The following CDH13 variants were observed in gnomAD, a reference collection of about 807,000 sequenced individuals.
The protein encoded by CDH13 is cadherin-13.
Under a neutral mutation model 63.8 loss-of-function variants are expected in CDH13, and 24 were observed. The ratio of observed to expected loss-of-function variants is 0.38; its 90% CI spans 0.27 to 0.53. The LOEUF (loss-of-function observed/expected upper bound fraction) is 0.53, where lower values mean the gene tolerates loss of function less well. Among genes scored for constraint, CDH13 ranks in the 20% least tolerant of loss-of-function variants. CDH13 has a pLI of 0.85. For missense variants in CDH13, 1,049 were observed against 903.1 expected (o/e 1.16, Z -2.07); for synonymous variants, 503 against 355.3 (o/e 1.42, Z -4.67).
intron 6 of CDH13, among the ~76,000 whole-genome samples, chr16:83,400,791 C>T (rs1273004981): frequency 2.6e-5 from 4 of 152,110 alleles, no homozygotes; most frequent in Admixed American, 6.5e-5. Flanking sequence ...AGTTGCTGCC[C>T]TTGTTGTTTA....
intron 1 of CDH13, chr16:82,826,767 T>C (rs1340024180): frequency 6.6e-6 from 1 of 152,184 alleles, no homozygotes; most frequent in Non-Finnish European, 1.5e-5. Context: ...GTGAAACAGT[T>C]TGGCAGGTTC....
At chr16:82,821,191 A>T (rs146445267) in intron 1 of CDH13, among the ~76,000 whole-genome samples, 56 of 152,140 alleles carry the variant, frequency 3.7e-4, no homozygotes, top group African/African-American at 1.3e-3. Flanking sequence ...TTTTCCCCAC[A>T]TCATTATTTT....
intron 2 of CDH13, among the ~76,000 whole-genome samples, chr16:82,877,938 C>CACACACACAG (rs2040560440): frequency 7.3e-6 from 1 of 137,202 alleles, no homozygotes; most frequent in Admixed American, 8.4e-5. Context: ...CACACACACA[C>CACACACACAG]ACACACACAC....
intron 5 of CDH13, among the ~76,000 whole-genome samples, chr16:83,255,236 C>G (rs941367557): frequency 6.6e-6 from 1 of 152,180 alleles, no homozygotes; most frequent in Non-Finnish European, 1.5e-5. Context: ...CCAGCATGGA[C>G]TATGTGGCCA....
intron 10 of CDH13, among the ~76,000 whole-genome samples, chr16:83,702,578 A>G (rs1332654381): frequency 6.6e-6 from 1 of 152,180 alleles, no homozygotes; most frequent in African/African-American, 2.4e-5. Flanking sequence ...GAAACTGAGA[A>G]GTTCAGCCCG....
chr16:83,018,438 A>G (rs2151449711), intron 2 of CDH13, among the ~76,000 whole-genome samples: 1 of 152,340 alleles, frequency 6.6e-6, no homozygotes, highest in South Asian at 2.1e-4. Flanking sequence ...TTAGAATAAC[A>G]GAATTTCCCA....
intron 7 of CDH13, among the ~76,000 whole-genome samples, chr16:83,505,647 G>A (rs766907566): frequency 5.5e-5 from 8 of 146,438 alleles, no homozygotes; most frequent in Non-Finnish European, 1.2e-4. Context: ...AGGTTCAAGC[G>A]ATTCTCCTGC....
chr16:82,664,802 A>C (rs565744706), intron 1 of CDH13, among the ~76,000 whole-genome samples: 36 of 152,356 alleles, frequency 2.4e-4, no homozygotes, highest in African/African-American at 8.2e-4. Context: ...CAACAACATC[A>C]ACGTAACTTG....
intron 8 of CDH13, among the ~76,000 whole-genome samples, chr16:83,669,490 G>A (rs1306675960): frequency 1.3e-5 from 2 of 152,176 alleles, no homozygotes; most frequent in African/African-American, 2.4e-5. Flanking sequence ...GCACCCTGGA[G>A]TTGTTTCTGT....
chr16:83,359,446 C>T (rs1429130816), intron 6 of CDH13, among the ~76,000 whole-genome samples: 2 of 152,084 alleles, frequency 1.3e-5, no homozygotes, highest in Non-Finnish European at 2.9e-5. Context: ...GGTGCTAGTT[C>T]AGGAGGGTCT....
At chr16:83,356,054 T>C (rs1224308945) in intron 6 of CDH13, among the ~76,000 whole-genome samples, 1 of 152,204 alleles carries the variant, frequency 6.6e-6, no homozygotes, top group Non-Finnish European at 1.5e-5. Context: ...CAGACCTGTA[T>C]GACTCTAATT....
chr16:82,982,909 C>T (rs1910469865), intron 2 of CDH13, among the ~76,000 whole-genome samples: 1 of 152,072 alleles, frequency 6.6e-6, no homozygotes, highest in Non-Finnish European at 1.5e-5. Context: ...CCCCCATGAA[C>T]CGGAGTGAAA....
intron 5 of CDH13, among the ~76,000 whole-genome samples, chr16:83,332,118 A>G (rs2090494070): frequency 6.6e-6 from 1 of 152,166 alleles, no homozygotes; most frequent in African/African-American, 2.4e-5. Context: ...ACAATTTTAT[A>G]AATTGTTACA....
chr16:82,845,021 C>T (rs1358221023), intron 1 of CDH13, among the ~76,000 whole-genome samples: 5 of 151,972 alleles, frequency 3.3e-5, no homozygotes, highest in Non-Finnish European at 5.9e-5. Context: ...AATTGATACA[C>T]GCGGGCATGT....
chr16:83,421,372 G>A (rs548041296), intron 6 of CDH13, among the ~76,000 whole-genome samples: 1 of 152,178 alleles, frequency 6.6e-6, no homozygotes, highest in Non-Finnish European at 1.5e-5. Context: ...GCAGTTAAGA[G>A]TGTTTCAGCA....
chr16:82,694,624 AT>A (rs1261273437), intron 1 of CDH13, among the ~76,000 whole-genome samples: 1 of 152,074 alleles, frequency 6.6e-6, no homozygotes, highest in East Asian at 1.9e-4. Flanking sequence ...TTTTTGGTGA[AT>A]TTTCCCACTG....
chr16:82,678,340 T>C (rs1597299307), intron 1 of CDH13, among the ~76,000 whole-genome samples: 1 of 147,776 alleles, frequency 6.8e-6, no homozygotes, highest in East Asian at 2.1e-4. Context: ...TTTTTAGCTC[T>C]GAAAGCTCAA....
At chr16:83,146,342 C>A (rs1017623869) in intron 4 of CDH13, among the ~76,000 whole-genome samples, 1 of 152,220 alleles carries the variant, frequency 6.6e-6, no homozygotes, top group African/African-American at 2.4e-5. Flanking sequence ...ATCACCATGG[C>A]TTATGCCATG....
chr16:83,132,414 C>G (rs1001616895), intron 4 of CDH13, among the ~76,000 whole-genome samples: 7 of 149,792 alleles, frequency 4.7e-5, no homozygotes, highest in African/African-American at 1.7e-4. Flanking sequence ...TTTACATCTG[C>G]TTAATTTCTA....
Sources: allele counts gnomAD v4.1 joint callset (sites outside exome capture counted in the v4.1 genomes callset), GRCh38; gene constraint gnomAD v4.1.1; transcripts MANE v1.5; gene names NCBI Gene and HGNC (gene_info 2026-07-23, HGNC 2026-07-21).